STAB2: variants seen among roughly 807,000 people sequenced by gnomAD.
STAB2 encodes stabilin-2.
A neutral mutation model predicts 338.1 loss-of-function variants in STAB2; 288 were observed. The observed-to-expected ratio is 0.85, with a 90% CI of 0.77 to 0.94. The LOEUF (loss-of-function observed/expected upper bound fraction) is 0.94, where lower values mean the gene tolerates loss of function less well. STAB2 is among the 40% of genes least tolerant of loss of function. The probability of loss-of-function intolerance (pLI) is 0.00; values close to 1 mark genes in which losing one functional copy is unlikely to be tolerated. For missense variants in STAB2, 3,141 were observed against 3,210.1 expected (o/e 0.98, Z 0.52); for synonymous variants, 1,202 against 1,193.3 (o/e 1.01, Z -0.15).
chr12:103,608,577 T>C (rs548641672), intron 3 of STAB2, among the ~76,000 whole-genome samples: 15 of 152,376 alleles, frequency 9.8e-5, no homozygotes, highest in African/African-American at 3.4e-4. Context: ...TTGTAGATTC[T>C]GGATATTAGC....
At chr12:103,733,932 C>A (rs1281184573) in intron 51 of STAB2, among the ~76,000 whole-genome samples, 1 of 143,906 alleles carries the variant, frequency 6.9e-6, no homozygotes, top group East Asian at 2.1e-4. Context: ...CATAAAGGAG[C>A]AAGCATGATC....
intron 56 of STAB2, 110 bp downstream of exon 56, chr12:103,742,664 G>A: frequency 6.6e-7 from 1 of 1,517,184 alleles, no homozygotes; most frequent in Admixed American, 1.8e-5. Context: ...CTTTCTCTCA[G>A]CCACACCCCT....
intron 44 of STAB2, among the ~76,000 whole-genome samples, chr12:103,724,405 G>C (rs1466198293): frequency 6.6e-6 from 1 of 152,204 alleles, no homozygotes; most frequent in East Asian, 1.9e-4. Flanking sequence ...GGTTTGTGAG[G>C]AAGGGGCCTA....
chr12:103,739,098 C>T (rs755935265), intron 53 of STAB2, among the ~76,000 whole-genome samples: 1 of 152,042 alleles, frequency 6.6e-6, no homozygotes, highest in Non-Finnish European at 1.5e-5. Context: ...AACTCAGCCT[C>T]CAAAGTCGCT....
At chr12:103,688,561 G>A (rs750980820) in intron 28 of STAB2, among the ~76,000 whole-genome samples, 1 of 152,168 alleles carries the variant, frequency 6.6e-6, no homozygotes, top group Non-Finnish European at 1.5e-5. Flanking sequence ...ATTTATAGCT[G>A]CAATCTGACA....
intron 27 of STAB2, among the ~76,000 whole-genome samples, chr12:103,685,475 T>TGCGTGCGC (rs1877345493): frequency 6.7e-6 from 1 of 150,294 alleles, no homozygotes; most frequent in Non-Finnish European, 1.5e-5. Context: ...TGTGTGTGCG[T>TGCGTGCGC]GCGCGCATGT....
At chr12:103,606,913 G>A (rs768896338) in intron 3 of STAB2, among the ~76,000 whole-genome samples, 4 of 152,172 alleles carry the variant, frequency 2.6e-5, no homozygotes, top group African/African-American at 9.6e-5. Context: ...GAACTCGGGA[G>A]GTGGAGGGTG....
intron 1 of STAB2, among the ~76,000 whole-genome samples, chr12:103,590,655 A>G (rs1956781689): frequency 6.6e-6 from 1 of 152,228 alleles, no homozygotes; most frequent in African/African-American, 2.4e-5. Flanking sequence ...TGGCAAATGT[A>G]TGGTACAAAC....
intron 65 of STAB2, among the ~76,000 whole-genome samples, chr12:103,760,248 GGT>G (rs1884438160): frequency 6.6e-6 from 1 of 152,094 alleles, no homozygotes; most frequent in Non-Finnish European, 1.5e-5. Flanking sequence ...ATGCCACAAT[GGT>G]GTGTGGGGGG....
chr12:103,756,182 C>T (rs1276770158), intron 63 of STAB2, among the ~76,000 whole-genome samples: 1 of 152,194 alleles, frequency 6.6e-6, no homozygotes, highest in African/African-American at 2.4e-5. Flanking sequence ...GCCAAATTAA[C>T]ATGGAGTCAA....
intron 18 of STAB2, 38 bp from the exon 19 acceptor site, chr12:103,666,253 T>C (rs150900530): frequency 6.2e-6 from 10 of 1,605,580 alleles, no homozygotes; most frequent in African/African-American, 4.0e-5. Context: ...CTCCCTCTCA[T>C]AGGGACACCT....
chr12:103,656,004 G>A (rs1483568119), intron 15 of STAB2, among the ~76,000 whole-genome samples: 1 of 152,192 alleles, frequency 6.6e-6, no homozygotes, highest in East Asian at 1.9e-4. Flanking sequence ...AAGAATACGT[G>A]TTATTTTTAG....
intron 54 of STAB2, 52 bp from the exon 55 acceptor site, chr12:103,740,578 G>A: frequency 6.3e-7 from 1 of 1,591,904 alleles, no homozygotes; most frequent in Non-Finnish European, 8.5e-7. Context: ...GAGCCCCAGA[G>A]CCCTAGTCCC....
intron 64 of STAB2, 37 bp downstream of exon 64, chr12:103,758,326 C>T: frequency 6.2e-7 from 1 of 1,608,194 alleles, no homozygotes; most frequent in African/African-American, 1.3e-5. Context: ...TTTAGACTAG[C>T]ATGTTATCTA....
chr12:103,592,570 C>CAA (rs1001156435), intron 2 of STAB2, among the ~76,000 whole-genome samples: 7 of 152,144 alleles, frequency 4.6e-5, no homozygotes, highest in Non-Finnish European at 8.8e-5. Flanking sequence ...TACTGACATA[C>CAA]AAAAACCTGG....
chr12:103,597,917 C>T (rs1610171), intron 3 of STAB2, among the ~76,000 whole-genome samples: 48,901 of 151,878 alleles, frequency 0.32, 10,021 homozygotes, highest in African/African-American at 0.58. Flanking sequence ...AAGAAATAGT[C>T]TTGATTTTTC....
intron 3 of STAB2, among the ~76,000 whole-genome samples, chr12:103,610,488 A>G (rs1302046892): frequency 6.6e-6 from 1 of 152,002 alleles, no homozygotes; most frequent in African/African-American, 2.4e-5. Context: ...GGTGTTTATA[A>G]TATTATCTGA....
chr12:103,711,916 C>T (rs889986201), intron 40 of STAB2, among the ~76,000 whole-genome samples: 2 of 152,204 alleles, frequency 1.3e-5, no homozygotes, highest in African/African-American at 4.8e-5. Context: ...TGGAGTTAGA[C>T]ATGAATTCAA....
At chr12:103,650,658 G>T (rs1873672714) in intron 11 of STAB2, 80 bp downstream of exon 11, 1 of 1,179,510 alleles carries the variant, frequency 8.5e-7, no homozygotes, top group Middle Eastern at 2.0e-4. Flanking sequence ...ATTTAAAGTG[G>T]GAAATCCCCA....
Sources: gnomAD v4.1 joint callset for allele counts (sites outside exome capture counted in the v4.1 genomes callset) on GRCh38, gnomAD v4.1.1 for gene constraint, MANE v1.5 for transcripts, NCBI Gene and HGNC (gene_info 2026-07-23, HGNC 2026-07-21) for gene names.